SYNE1: variants seen among roughly 807,000 people sequenced by gnomAD.
SYNE1 encodes the protein nesprin-1.
A neutral mutation model predicts 1,111.0 loss-of-function variants in SYNE1; 616 were observed. That is an observed-to-expected ratio of 0.55 (90% CI 0.52 to 0.59). SYNE1 has a LOEUF of 0.59. Ranked by LOEUF, SYNE1 falls within the 20% of genes least tolerant of loss-of-function variation. The probability of loss-of-function intolerance (pLI) is 0.00; values close to 1 mark genes in which losing one functional copy is unlikely to be tolerated. For missense variants in SYNE1, 10,006 were observed against 10,417.0 expected, an observed-to-expected ratio of 0.96 and a Z score of 1.72; for synonymous variants, 3,855 against 3,825.8, an observed-to-expected ratio of 1.01 and a Z score of -0.28.
In SYNE1 at chr6:152,353,257, G is replaced by C; in HGVS notation, c.11253+6C>G. On this transcript the variant is annotated splice_donor_region_variant and intron_variant, in intron 69 of 145. Transcript: ENST00000367255. ...TTGGATACAAATCTGAAGTATGCGTGCCTACCTCCAACGTCTTCAATTTCT... is the reference window on the plus strand; with the variant it reads ...TTGGATACAAATCTGAAGTATGCGTCCCTACCTCCAACGTCTTCAATTTCT... 6.2e-7 allele frequency: 1 copy of C among 1,614,130 alleles called. No homozygotes were observed. The highest frequency in any genetic ancestry group is 8.5e-7 in the Non-Finnish European group (1 of 1,180,020).
Position 152,362,168 on chromosome 6 carries a change from A to T in SYNE1, c.10299+2T>A. The T allele has an allele frequency of 6.2e-7, 1 of 1,614,174 alleles. No homozygotes were observed. The highest frequency in any genetic ancestry group is 8.5e-7 in the Non-Finnish European group (1 of 1,180,028). On this transcript the variant is annotated splice_donor_variant, in intron 64 of 145. Transcript: ENST00000367255. LOFTEE classifies it high-confidence loss of function. Reference sequence around the variant, plus strand: ...ACATGGAATCTGAAATCCAGCTCTCACCTTGGCTTTTCCGAGCATCGTTGT... The same window carrying T: ...ACATGGAATCTGAAATCCAGCTCTCTCCTTGGCTTTTCCGAGCATCGTTGT...
chr6:152,398,350 A>G (rs773127808), intron 49 of SYNE1, among the ~76,000 whole-genome samples: 1 of 152,238 alleles, frequency 6.6e-6, no homozygotes, highest in Non-Finnish European at 1.5e-5. Context: ...TATAAAAATT[A>G]AAACTAGGTT....
chr6:152,299,811 G>C (rs1354915298), intron 93 of SYNE1, among the ~76,000 whole-genome samples: 3 of 151,804 alleles, frequency 2.0e-5, no homozygotes, highest in African/African-American at 7.3e-5. Context: ...CATTTGCTCT[G>C]TTTAATGCTT....
intron 73 of SYNE1, 36 bp downstream of exon 73, chr6:152,347,023 T>C (rs1323555048): frequency 9.9e-6 from 16 of 1,612,296 alleles, no homozygotes; most frequent in Non-Finnish European, 1.3e-5. Context: ...CTCCCCATAA[T>C]TCCTTGTCAC....
chr6:152,198,995 A>AAC (rs71799261), intron 127 of SYNE1, among the ~76,000 whole-genome samples: 10,768 of 151,352 alleles, frequency 0.071, 404 homozygotes, highest in Middle Eastern at 0.13. Context: ...AAAAAAAAAA[A>AAC]AAAAAACCAA....
At chr6:152,362,057 G>A (rs371644661) in intron 64 of SYNE1, 113 bp downstream of exon 64, 106 of 1,422,786 alleles carry the variant, frequency 7.5e-5, no homozygotes, top group Middle Eastern at 2.1e-4. Flanking sequence ...AGCCCCAAAC[G>A]TAATTTGCTT....
At chr6:152,569,364 A>G (rs554751752) in intron 3 of SYNE1, among the ~76,000 whole-genome samples, 2 of 152,158 alleles carry the variant, frequency 1.3e-5, no homozygotes, top group Non-Finnish European at 2.9e-5. Context: ...CAGTTTCCTC[A>G]TCTGTGAAAT....
intron 39 of SYNE1, among the ~76,000 whole-genome samples, chr6:152,421,715 A>T (rs1004175452): frequency 9.9e-5 from 13 of 131,830 alleles, no homozygotes; most frequent in South Asian, 2.3e-4. Flanking sequence ...TTATTTATTT[A>T]TTTTTTGGAG....
At position 152,328,162 on chromosome 6, in the gene SYNE1, G is replaced by A. The variant is rs372757298; in HGVS notation, c.14956-1529C>T. 5.3e-5 allele frequency among the ~76,000 whole-genome samples: 8 copies of A among 152,080 alleles called. No homozygotes were observed. In the South Asian group the frequency reaches 1.0e-3, roughly 20 times the overall value. On this transcript the variant is annotated intron_variant, in intron 78 of 145. Coordinates refer to ENST00000367255, the MANE Select transcript of SYNE1 (RefSeq NM_182961.4). ...TACAAAGAGGGACAGAGCCTTATAGGATGTCATTTTCCTGAGATCAAATAG... is the reference window on the plus strand; with the variant it reads ...TACAAAGAGGGACAGAGCCTTATAGAATGTCATTTTCCTGAGATCAAATAG...
At chr6:152,346,834 A>C (rs1327279301) in intron 73 of SYNE1, among the ~76,000 whole-genome samples, 1 of 152,146 alleles carries the variant, frequency 6.6e-6, no homozygotes, top group Non-Finnish European at 1.5e-5. Context: ...AAAACAAAAA[A>C]ACCAATATCT....
chr6:152,381,362 C>G lies in SYNE1; in HGVS notation c.8653G>C (p.Glu2885Gln). The G allele has an allele frequency of 6.2e-7, 1 of 1,612,984 alleles. No homozygotes were observed. The highest frequency in any genetic ancestry group is 8.5e-7 in the Non-Finnish European group (1 of 1,179,966). ...ATQKKLSKIK[E>Q]LIDSREIGAS... is the part of the protein sequence containing the mutation. ...CCAATCTCTCTGGAATCTATCAGCT[C>G]CTGTAATGGAATATCACCATGGTAA... The change falls in exon 56 of 146, where the codon GAG becomes CAG. Residue 2885 changes from glutamate (E) to glutamine (Q), a missense_variant and splice_region_variant. Transcript: ENST00000367255.
intron 118 of SYNE1, 116 bp from the exon 119 acceptor site, chr6:152,221,162 G>T: frequency 1.7e-6 from 2 of 1,203,806 alleles, no homozygotes; most frequent in Non-Finnish European, 2.4e-6. Context: ...ATCATTTCTA[G>T]TTAACATAAT....
At chr6:152,551,071 G>A (rs886090233) in intron 3 of SYNE1, among the ~76,000 whole-genome samples, 2 of 152,146 alleles carry the variant, frequency 1.3e-5, no homozygotes, top group Admixed American at 6.5e-5. Context: ...AACTTTTGTG[G>A]ATTTTTTCCT....
chr6:152,564,219 C>G (rs2099403981), intron 3 of SYNE1, among the ~76,000 whole-genome samples: 1 of 152,182 alleles, frequency 6.6e-6, no homozygotes, highest in Non-Finnish European at 1.5e-5. Context: ...GTAGCCTACT[C>G]ATGCCTATTA....
At position 152,376,840 on chromosome 6, in the gene SYNE1, G is replaced by T. The variant is rs369163343; in HGVS notation, c.9082C>A (p.Arg3028=). 6.2e-6 allele frequency: 10 copies of T among 1,613,840 alleles called. No homozygotes were observed. Among genetic ancestry groups the T allele is most frequent in the African/African-American group, 2.7e-5 (2 of 74,906 alleles). ...TAGGTACTCAGGTCTCTGGAAAATCGACAAAGTTCATTCAGCTGAGACTTG... is the reference window on the plus strand; with the variant it reads ...TAGGTACTCAGGTCTCTGGAAAATCTACAAAGTTCATTCAGCTGAGACTTG... ...DLKSQLNELC[R]FSRDLSTYSG... is the part of the protein sequence containing the mutation. The change falls in exon 57 of 146, where the codon CGA becomes AGA. Residue 3028 remains arginine, a synonymous_variant. Transcript: ENST00000367255.
chr6:152,383,749 T>G (rs1035215642), intron 55 of SYNE1, among the ~76,000 whole-genome samples: 1 of 152,222 alleles, frequency 6.6e-6, no homozygotes, highest in Non-Finnish European at 1.5e-5. Flanking sequence ...CACTAATCAC[T>G]TTCAACTCCA....
At position 152,140,116 on chromosome 6, in the gene SYNE1, T is replaced by C; in HGVS notation, c.25292A>G (p.Lys8431Arg). The C allele has an allele frequency of 1.2e-6, 2 of 1,614,158 alleles. No homozygotes were observed. Among genetic ancestry groups the C allele is most frequent in the Non-Finnish European group, 1.7e-6 (2 of 1,180,034 alleles). ...WELLQAQALS[K>R]ELRMKQNLQK... ...GAGGTTCTGCTTCATCCTCAACTCCTTGCTCAATGCCTGGGCCTGGAGAAG... is the reference window on the plus strand; with the variant it reads ...GAGGTTCTGCTTCATCCTCAACTCCCTGCTCAATGCCTGGGCCTGGAGAAG... The change falls in exon 140 of 146, where the codon AAG becomes AGG. Residue 8431 changes from lysine to arginine, a missense_variant. Transcript: ENST00000367255.
At chr6:152,223,550 G>A (rs756343739) in intron 117 of SYNE1, among the ~76,000 whole-genome samples, 22 of 152,054 alleles carry the variant, frequency 1.4e-4, no homozygotes, top group Admixed American at 1.1e-3. Context: ...CCCGGGAGGC[G>A]GAGGTTGCAG....
intron 3 of SYNE1, among the ~76,000 whole-genome samples, chr6:152,569,283 C>G (rs548200119): frequency 2.0e-5 from 3 of 152,190 alleles, no homozygotes; most frequent in Non-Finnish European, 4.4e-5. Context: ...GCAGTGGTTC[C>G]CAGCATGCAT....
Sources: allele counts gnomAD v4.1 joint callset (sites outside exome capture counted in the v4.1 genomes callset), GRCh38; gene constraint gnomAD v4.1.1; transcripts MANE v1.5; gene names NCBI Gene and HGNC (gene_info 2026-07-23, HGNC 2026-07-21).